MBNL1: variants seen among roughly 807,000 people sequenced by gnomAD.
MBNL1 encodes muscleblind-like protein 1.
MBNL1 carries 8 observed loss-of-function variants against 42.2 expected under a neutral mutation model. The ratio of observed to expected loss-of-function variants is 0.19; its 90% confidence interval spans 0.11 to 0.34. MBNL1 has a LOEUF of 0.34. Ranked by LOEUF, MBNL1 falls within the 10% of genes least tolerant of loss-of-function variation. The probability of loss-of-function intolerance (pLI) is 1.00; values close to 1 mark genes in which losing one functional copy is unlikely to be tolerated. For synonymous variants in MBNL1, 169 were observed against 173.9 expected, an observed-to-expected ratio of 0.97 and a Z score of 0.22; for missense variants, 309 against 495.3, an observed-to-expected ratio of 0.62 and a Z score of 3.57.
chr3:152,352,435 A>G (rs2095110677), intron 2 of MBNL1, among the ~76,000 whole-genome samples: 1 of 152,184 alleles, frequency 6.6e-6, no homozygotes, highest in Admixed American at 6.6e-5. Flanking sequence ...ATCCTGGCTC[A>G]CGTCTCTAGG....
chr3:152,347,425 G>A (rs1264963882), intron 2 of MBNL1, among the ~76,000 whole-genome samples: 1 of 152,050 alleles, frequency 6.6e-6, no homozygotes, highest in African/African-American at 2.4e-5. Context: ...TTAGGTTATA[G>A]TTTTCATATC....
chr3:152,334,272 A>G (rs746927795), intron 2 of MBNL1, among the ~76,000 whole-genome samples: 8 of 152,218 alleles, frequency 5.3e-5, no homozygotes, highest in Non-Finnish European at 8.8e-5. Context: ...TAGGAAAAGA[A>G]TAACCTGTTA....
At chr3:152,344,843 T>C (rs17435143) in intron 2 of MBNL1, among the ~76,000 whole-genome samples, 33,247 of 152,082 alleles carry the variant, frequency 0.22, 3,980 homozygotes, top group Middle Eastern at 0.35. Flanking sequence ...TGCTGTTCTT[T>C]TCTTCCTGCT....
intron 2 of MBNL1, among the ~76,000 whole-genome samples, chr3:152,249,560 T>G (rs1207543314): frequency 7.2e-6 from 1 of 138,650 alleles, no homozygotes; most frequent in Non-Finnish European, 1.6e-5. Context: ...TTCTCCCATT[T>G]TGTAGGTTGC....
At chr3:152,376,124 A>G (rs2096888147) in intron 2 of MBNL1, among the ~76,000 whole-genome samples, 2 of 152,198 alleles carry the variant, frequency 1.3e-5, no homozygotes, top group South Asian at 4.1e-4. Flanking sequence ...CTTATATTCC[A>G]ACTATAAGAT....
intron 2 of MBNL1, among the ~76,000 whole-genome samples, chr3:152,374,089 G>T (rs1287379453): frequency 6.6e-6 from 1 of 152,068 alleles, no homozygotes; most frequent in Non-Finnish European, 1.5e-5. Context: ...AAAATGAGTT[G>T]CTGCTTTATA....
intron 1 of MBNL1, among the ~76,000 whole-genome samples, chr3:152,270,875 G>T (rs1004587502): frequency 6.6e-6 from 1 of 152,092 alleles, no homozygotes; most frequent in East Asian, 1.9e-4. Context: ...TTAATGGGGG[G>T]TTTCCTTGCT....
chr3:152,408,222 A>G (rs1166559558), intron 2 of MBNL1, among the ~76,000 whole-genome samples: 4 of 152,166 alleles, frequency 2.6e-5, no homozygotes, highest in African/African-American at 9.7e-5. Flanking sequence ...TAGTAGATAC[A>G]TAATATTTAC....
chr3:152,260,156 C>T (rs2036016907), intron 2 of MBNL1, among the ~76,000 whole-genome samples: 1 of 152,146 alleles, frequency 6.6e-6, no homozygotes, highest in Non-Finnish European at 1.5e-5. Flanking sequence ...AATGAAAATG[C>T]AGCAGTAACT....
intron 2 of MBNL1, among the ~76,000 whole-genome samples, chr3:152,363,314 G>A (rs1027892565): frequency 4.6e-5 from 7 of 152,126 alleles, no homozygotes; most frequent in Non-Finnish European, 1.0e-4. Flanking sequence ...CACACCAAGA[G>A]CCTGATCTTT....
chr3:152,355,203 C>A (rs2095425354), intron 2 of MBNL1, among the ~76,000 whole-genome samples: 1 of 152,126 alleles, frequency 6.6e-6, no homozygotes, highest in South Asian at 2.1e-4. Flanking sequence ...GGTGCTGGGA[C>A]TCCAGAGCCA....
At chr3:152,274,987 C>G (rs2044105906) in intron 1 of MBNL1, among the ~76,000 whole-genome samples, 1 of 152,178 alleles carries the variant, frequency 6.6e-6, no homozygotes, top group African/African-American at 2.4e-5. Flanking sequence ...TAACTTGTCT[C>G]AGTATTAGAA....
intron 6 of MBNL1, among the ~76,000 whole-genome samples, chr3:152,449,650 C>T (rs1439971476): frequency 6.6e-6 from 1 of 152,160 alleles, no homozygotes; most frequent in Non-Finnish European, 1.5e-5. Flanking sequence ...AAATAATAAA[C>T]TCATTCATAA....
At chr3:152,433,029 CAG>C in intron 4 of MBNL1, 109 bp downstream of exon 4, 1 of 962,120 alleles carries the variant, frequency 1.0e-6, no homozygotes, top group Non-Finnish European at 1.6e-6. Flanking sequence ...AATTTTAAAA[CAG>C]ATTTTGGCTT....
chr3:152,342,628 C>G (rs1284612503), intron 2 of MBNL1, among the ~76,000 whole-genome samples: 1 of 151,482 alleles, frequency 6.6e-6, no homozygotes, highest in African/African-American at 2.4e-5. Flanking sequence ...AACTCGTGCT[C>G]TTTCTGGATT....
intron 2 of MBNL1, among the ~76,000 whole-genome samples, chr3:152,409,725 C>T (rs976402770): frequency 2.0e-5 from 3 of 152,106 alleles, no homozygotes; most frequent in African/African-American, 7.2e-5. Flanking sequence ...CCCATTGCTC[C>T]TTTATTTCCA....
Position 152,299,909 on chromosome 3 carries a change from G to A in MBNL1, c.-285G>A. On this transcript the variant is annotated 5_prime_UTR_variant, in exon 2 of 10. Coordinates refer to ENST00000324210, the MANE Select transcript of MBNL1 (RefSeq NM_021038.5). ...TACTGAGAGCACAAGGCTGATACCA[G>A]GCCCTACTTTTAAACGTTCATCTAC... 1 of 433,956 alleles carries A rather than the reference G, an allele frequency of 2.3e-6. No individual in the cohort carries two copies. The highest frequency in any genetic ancestry group is 4.0e-6 in the Non-Finnish European group (1 of 247,410). The allele number at this position is 433,956 out of a possible 1,614,324, so 26.9% of individuals were successfully genotyped here.
intron 2 of MBNL1, among the ~76,000 whole-genome samples, chr3:152,315,846 A>G (rs2070656577): frequency 1.5e-5 from 1 of 64,620 alleles, no homozygotes; most frequent in Non-Finnish European, 3.0e-5. Flanking sequence ...AAGCGTGTGA[A>G]CACACACACA....
intron 2 of MBNL1, among the ~76,000 whole-genome samples, chr3:152,344,236 T>C (rs567826187): frequency 1.3e-5 from 2 of 152,308 alleles, no homozygotes; most frequent in South Asian, 4.1e-4. Flanking sequence ...GTTTGGTCTA[T>C]TGAGACAACA....
Sources: allele counts gnomAD v4.1 joint callset (sites outside exome capture counted in the v4.1 genomes callset), GRCh38; gene constraint gnomAD v4.1.1; transcripts MANE v1.5; gene names NCBI Gene and HGNC (gene_info 2026-07-23, HGNC 2026-07-21).